Variants in PFKL observed in about 807,000 individuals in gnomAD.
PFKL encodes the protein ATP-dependent 6-phosphofructokinase, liver type.
PFKL carries 74 observed loss-of-function variants against 92.1 expected under a neutral mutation model. The observed-to-expected ratio is 0.80, with a 90% CI of 0.67 to 0.97. The LOEUF (loss-of-function observed/expected upper bound fraction) is 0.97, where lower values mean the gene tolerates loss of function less well. PFKL is among the 50% of genes least tolerant of loss of function. The pLI, the probability that PFKL is intolerant of heterozygous loss-of-function variation, is 0.00. For missense variants in PFKL, 1,028 were observed against 1,116.6 expected (o/e 0.92, Z 1.13); for synonymous variants, 494 against 456.4 (o/e 1.08, Z -1.05).
Position 44,313,153 on chromosome 21 carries a change from G to T in PFKL, c.593+10G>T. On this transcript the variant is annotated intron_variant, in intron 5 of 21. Coordinates refer to ENST00000349048, the MANE Select transcript of PFKL (RefSeq NM_002626.6). The stretch of plus-strand genomic sequence containing the variant: ...CCACCACTGCCCAGAGGTGAGTGAG[G>T]CTGGCGCCGGCGGCCAGCCCAGGGC... 1 of 1,611,818 alleles carries T rather than the reference G, an allele frequency of 6.2e-7. No individual in the cohort carries two copies.
rs750087276 is a variant in PFKL at position 44,325,135 on chromosome 21, C to A, written c.1878-18C>A. ...CTGAACTCGTTCCCGCCGACTCAGG[C>A]CCTGCTGCCCCTCTCAGGAACGAGA... On this transcript the variant is annotated intron_variant, in intron 18 of 21. Transcript: ENST00000349048. 1.3e-6 allele frequency: 2 copies of A among 1,543,200 alleles called. No individual in the cohort carries two copies. The highest frequency in any genetic ancestry group is 1.1e-5 in the South Asian group (1 of 89,670).
At chr21:44,310,146 G>T (rs964759219) in intron 2 of PFKL, among the ~76,000 whole-genome samples, 1 of 152,344 alleles carries the variant, frequency 6.6e-6, no homozygotes, top group South Asian at 2.1e-4. Context: ...GGAGGAGGCC[G>T]CCCTTCTCCT....
At position 44,302,438 on chromosome 21, in the gene PFKL, C is replaced by T. The variant is rs185832407; in HGVS notation, c.85+2248C>T. On this transcript the variant is annotated intron_variant, in intron 1 of 21. Transcript: ENST00000349048. ...GAACCAGAGTCCTGTTTCATGAGTT[C>T]GGAAAAGCAGTCTGCAGGGCTCTCC... Among the ~76,000 whole-genome samples, 330 of 152,266 alleles carry T rather than the reference C, an allele frequency of 2.2e-3. 1 individual carries two copies. Among genetic ancestry groups the T allele is most frequent in the African/African-American group, 7.7e-3 (319 of 41,566 alleles).
Position 44,323,884 on chromosome 21 carries a change from T to G in PFKL, c.1616T>G (p.Leu539Arg). The stretch of plus-strand genomic sequence containing the variant: ...AACGTCCCTGGCACCGACTTCAGCC[T>G]GGGCTCCGACACTGCTGTAAATGCC... Reference protein sequence around the residue: ...SNNVPGTDFSLGSDTAVNAAM... With the variant: ...SNNVPGTDFSRGSDTAVNAAM... The change falls in exon 16 of 22, where the codon CTG becomes CGG. Residue 539 changes from leucine (L) to arginine (R), a missense_variant. Transcript: ENST00000349048. 1 of 1,613,552 alleles carries G rather than the reference T, an allele frequency of 6.2e-7. No individual in the cohort carries two copies. Among genetic ancestry groups the G allele is most frequent in the South Asian group, 1.1e-5 (1 of 91,086 alleles).
intron 1 of PFKL, among the ~76,000 whole-genome samples, chr21:44,301,703 G>A (rs908090961): frequency 2.6e-5 from 4 of 152,136 alleles, no homozygotes; most frequent in Admixed American, 6.6e-5. Context: ...GGGCCAGCCC[G>A]CCTGCCCACC....
At chr21:44,305,875 G>A (rs750156804) in intron 1 of PFKL, 1 of 1,365,920 alleles carries the variant, frequency 7.3e-7, no homozygotes, top group South Asian at 1.1e-5. Context: ...AGGGCAAGGG[G>A]ACAGGAAAGA....
Position 44,325,952 on chromosome 21 carries a change from T to C in PFKL, c.1990-9T>C. On this transcript the variant is annotated splice_polypyrimidine_tract_variant and intron_variant, in intron 19 of 21. Coordinates refer to ENST00000349048, the MANE Select transcript of PFKL (RefSeq NM_002626.6). ...GGAGTCCAGGGAACCGGGCCTCACC[T>C]GTTTCCAGGGTGGCGCTCCAACCCC... The C allele has an allele frequency of 6.2e-7, 1 of 1,609,802 alleles. No individual in the cohort carries two copies. The highest frequency in any genetic ancestry group is 8.5e-7 in the Non-Finnish European group (1 of 1,177,276).
At chr21:44,314,311 T>G in intron 7 of PFKL, 1 of 402,996 alleles carries the variant, frequency 2.5e-6, no homozygotes, top group Non-Finnish European at 4.5e-6. Flanking sequence ...TGAGGCTGCT[T>G]ACTGGGGTGG....
At chr21:44,302,772 G>A (rs1217718661) in intron 1 of PFKL, among the ~76,000 whole-genome samples, 11 of 152,186 alleles carry the variant, frequency 7.2e-5, no homozygotes. Context: ...GGGGGTTGGG[G>A]ACAAGACAGG....
At chr21:44,303,442 A>AAAAAAAAAGACTTGATCG (rs1568939682) in intron 1 of PFKL, among the ~76,000 whole-genome samples, 34 of 144,648 alleles carry the variant, frequency 2.4e-4, no homozygotes, top group African/African-American at 8.5e-4. Context: ...CCAAAAAAAA[A>AAAAAAAAAGACTTGATCG]AAAAAAAAAA....
rs549572854 is a variant in PFKL at position 44,311,297 on chromosome 21, CACAG to C, written c.237+218_237+221del. 4.4e-3 allele frequency among the ~76,000 whole-genome samples: 661 copies of C among 151,444 alleles called. 4 individuals carry two copies. The highest frequency in any genetic ancestry group is 5.5e-3 in the Non-Finnish European group (371 of 67,866). ...ACCCGTGCACGGACACACAGGCGCG[CACAG>C]ACACAGACACGTGCACAGACACACA... is the stretch of plus-strand genomic sequence containing the variant. On this transcript the variant is annotated intron_variant, in intron 3 of 21. Coordinates refer to ENST00000349048, the MANE Select transcript of PFKL (RefSeq NM_002626.6).
At chr21:44,319,221 C>T (rs1602040646) in intron 10 of PFKL, 130 bp from the exon 11 acceptor site, 2 of 741,392 alleles carry the variant, frequency 2.7e-6, no homozygotes, top group East Asian at 5.1e-5. Flanking sequence ...TAGGGAGAGG[C>T]TGCCAGGCCT....
At chr21:44,304,988 T>G (rs896855610) in intron 1 of PFKL, among the ~76,000 whole-genome samples, 4 of 152,138 alleles carry the variant, frequency 2.6e-5, no homozygotes, top group Non-Finnish European at 5.9e-5. Flanking sequence ...GCTCTGCCCA[T>G]TCTAACGTCT....
chr21:44,321,451 C>T (rs1055827490), intron 12 of PFKL: 2 of 262,610 alleles, frequency 7.6e-6, no homozygotes, highest in South Asian at 1.7e-4. Context: ...GCCCGCAAGC[C>T]TGGCTTCACA....
Position 44,316,428 on chromosome 21 carries a change from G to A in PFKL, c.844-4G>A. On this transcript the variant is annotated splice_region_variant and splice_polypyrimidine_tract_variant and intron_variant, in intron 8 of 21. Coordinates refer to ENST00000349048, the MANE Select transcript of PFKL (RefSeq NM_002626.6). The stretch of plus-strand genomic sequence containing the variant: ...CAGGGCTGGTCCTTCCCACTGTCCT[G>A]CAGCTGGTGGTTCAGAGGCTGGGCT... 1.2e-6 allele frequency: 2 copies of A among 1,612,304 alleles called. No individual in the cohort carries two copies. The highest frequency in any genetic ancestry group is 1.7e-6 in the Non-Finnish European group (2 of 1,179,216).
At chr21:44,305,210 C>G (rs1378635657) in intron 1 of PFKL, 4 of 1,251,060 alleles carry the variant, frequency 3.2e-6, no homozygotes, top group South Asian at 1.3e-5. Flanking sequence ...GGCAGATACT[C>G]TGGCTGCTAC....
At chr21:44,305,497 GACC>G in intron 1 of PFKL, 1 of 1,204,408 alleles carries the variant, frequency 8.3e-7, no homozygotes, top group Non-Finnish European at 1.1e-6. Flanking sequence ...GGGGACAGAG[GACC>G]CGCATGGCTT....
At chr21:44,304,231 ACCCTTGCTGACCCCTGATCCTGGGGC>A (rs1233094640) in intron 1 of PFKL, 1 of 1,288,634 alleles carries the variant, frequency 7.8e-7, no homozygotes, top group Non-Finnish European at 1.0e-6. Flanking sequence ...AGTGAGGGGT[ACCCTTGCTGACCCCTGATCCTGGGGC>A]CCCTTTGCCG....
In PFKL at chr21:44,324,657, T is replaced by A; in HGVS notation, c.1815+2T>A. The A allele has an allele frequency of 2.5e-6, 4 of 1,582,704 alleles. No individual in the cohort carries two copies. The highest frequency in any genetic ancestry group is 3.4e-6 in the Non-Finnish European group (4 of 1,162,560). On this transcript the variant is annotated splice_donor_variant, in intron 17 of 21. Transcript: ENST00000349048. LOFTEE classifies it high-confidence loss of function. ...CCTTTCAACATCCACGACTTAAAGG[T>A]GAGCCCAGCCCAGCCCCTGCTGCGG... is the stretch of plus-strand genomic sequence containing the variant.
Sources: gnomAD v4.1 joint callset for allele counts (sites outside exome capture counted in the v4.1 genomes callset) on GRCh38, gnomAD v4.1.1 for gene constraint, MANE v1.5 for transcripts, NCBI Gene and HGNC (gene_info 2026-07-23, HGNC 2026-07-21) for gene names.